SFSWAP: variants seen among roughly 807,000 people sequenced by gnomAD.
SFSWAP encodes splicing factor, suppressor of white-apricot homolog.
In SFSWAP, 17 loss-of-function variants were observed where a neutral mutation model predicts 100.7. The ratio of observed to expected loss-of-function variants is 0.17; its 90% CI spans 0.12 to 0.25. SFSWAP has a LOEUF of 0.25. Ranked by LOEUF, SFSWAP falls within the 10% of genes least tolerant of loss-of-function variation. The probability of loss-of-function intolerance (pLI) is 1.00; values close to 1 mark genes in which losing one functional copy is unlikely to be tolerated. For synonymous variants in SFSWAP, 504 were observed against 510.1 expected (o/e 0.99, Z 0.16); for missense variants, 1,005 against 1,262.6 (o/e 0.80, Z 3.09).
chr12:131,745,154 T>A (rs1048113598), intron 7 of SFSWAP, among the ~76,000 whole-genome samples: 1 of 152,212 alleles, frequency 6.6e-6, no homozygotes, highest in African/African-American at 2.4e-5. Flanking sequence ...TTTAAGTATT[T>A]GGGAGGATGG....
intron 15 of SFSWAP, chr12:131,796,880 A>C: frequency 3.3e-6 from 1 of 301,000 alleles, no homozygotes; most frequent in Non-Finnish European, 6.1e-6. Flanking sequence ...ATAAGTGGCA[A>C]AGCACTATGA....
At chr12:131,797,151 T>C (rs1353783668) in intron 15 of SFSWAP, 27 bp from the exon 16 acceptor site, 2 of 1,594,226 alleles carry the variant, frequency 1.3e-6, no homozygotes, top group Non-Finnish European at 8.5e-7. Flanking sequence ...CAAAGCTGCA[T>C]CTCTCACAGA....
intron 11 of SFSWAP, among the ~76,000 whole-genome samples, chr12:131,761,254 T>A (rs1882655476): frequency 6.6e-6 from 1 of 152,190 alleles, no homozygotes; most frequent in East Asian, 1.9e-4. Flanking sequence ...ATATTACTTT[T>A]GAAGTTAGAA....
At chr12:131,786,652 G>A (rs1022336946) in intron 15 of SFSWAP, 64 bp downstream of exon 15, 37 of 1,513,390 alleles carry the variant, frequency 2.4e-5, no homozygotes, top group South Asian at 8.6e-5. Flanking sequence ...TGGAAAGGGC[G>A]TCTGAAGGTC....
intron 7 of SFSWAP, among the ~76,000 whole-genome samples, chr12:131,736,550 A>G (rs1880036906): frequency 6.6e-6 from 1 of 152,140 alleles, no homozygotes; most frequent in African/African-American, 2.4e-5. Flanking sequence ...ACTCACCCTC[A>G]CTGCCTGCTC....
At chr12:131,788,899 G>T (rs1885070589) in intron 15 of SFSWAP, among the ~76,000 whole-genome samples, 1 of 152,170 alleles carries the variant, frequency 6.6e-6, no homozygotes, top group Non-Finnish European at 1.5e-5. Flanking sequence ...CTACCAAGTT[G>T]CTGTCACTTT....
intron 4 of SFSWAP, chr12:131,723,118 A>G (rs1383574521): frequency 2.0e-5 from 3 of 152,214 alleles, no homozygotes; most frequent in Non-Finnish European, 4.4e-5. Context: ...GTTAAGCTTT[A>G]TCGAATTTGT....
At chr12:131,756,337 G>A (rs948703877) in intron 10 of SFSWAP, 136 bp from the exon 11 acceptor site, 1 of 707,180 alleles carries the variant, frequency 1.4e-6, no homozygotes, top group African/African-American at 1.8e-5. Flanking sequence ...GGATTTGGAA[G>A]TCTGTTCCCA....
chr12:131,760,222 G>A (rs1399232068), intron 11 of SFSWAP, among the ~76,000 whole-genome samples: 1 of 152,090 alleles, frequency 6.6e-6, no homozygotes, highest in African/African-American at 2.4e-5. Context: ...AGGTCTAATG[G>A]GGGCATGGCC....
chr12:131,716,803 C>G (rs1306382949), intron 3 of SFSWAP, among the ~76,000 whole-genome samples: 1 of 152,150 alleles, frequency 6.6e-6, no homozygotes, highest in African/African-American at 2.4e-5. Flanking sequence ...AGCCCCTATT[C>G]TAGATGATGG....
At chr12:131,796,115 T>A (rs923145026) in intron 15 of SFSWAP, 2 of 150,850 alleles carry the variant, frequency 1.3e-5, no homozygotes, top group African/African-American at 4.9e-5. Context: ...ATGCAAAGAC[T>A]CTCCAAGAAA....
intron 14 of SFSWAP, among the ~76,000 whole-genome samples, chr12:131,783,036 C>T (rs572030824): frequency 3.3e-5 from 5 of 152,186 alleles, no homozygotes; most frequent in East Asian, 1.9e-4. Context: ...CAAAAATCAG[C>T]CAGGCGTGTT....
intron 7 of SFSWAP, among the ~76,000 whole-genome samples, chr12:131,735,349 A>G (rs755444984): frequency 2.6e-4 from 40 of 152,164 alleles, no homozygotes; most frequent in Non-Finnish European, 5.4e-4. Flanking sequence ...TCTAGGCCTC[A>G]GTTTTCCCAT....
At chr12:131,770,113 T>A (rs1485710861) in intron 13 of SFSWAP, among the ~76,000 whole-genome samples, 1 of 152,206 alleles carries the variant, frequency 6.6e-6, no homozygotes, top group African/African-American at 2.4e-5. Flanking sequence ...TAAAGAAAAT[T>A]CAAACTCGAA....
chr12:131,753,128 G>A lies in SFSWAP; in HGVS notation c.1087G>A (p.Val363Met), dbSNP rs764281443. The A allele has an allele frequency of 1.5e-5, 25 of 1,613,992 alleles. No individual in the cohort carries two copies. In the African/African-American group the frequency reaches 1.7e-4, roughly 11 times the overall value. ...SQVEYTADST[V>M]AAMYYSYYML... ...GGGGCAATGTGTCTCCACAGCGACC[G>A]TGGCAGCCATGTATTACAGCTACTA... The change falls in exon 8 of 18, where the codon GTG becomes ATG. Residue 363 changes from valine to methionine, a missense_variant. By Grantham distance (21) the Val-to-Met change is conservative (BLOSUM62 1). Coordinates refer to ENST00000261674, the MANE Select transcript of SFSWAP (RefSeq NM_004592.4).
chr12:131,727,786 G>T (rs1469667697), intron 6 of SFSWAP, among the ~76,000 whole-genome samples: 1 of 152,140 alleles, frequency 6.6e-6, no homozygotes, highest in Non-Finnish European at 1.5e-5. Context: ...CCTCATCTGT[G>T]TGAAGAAACC....
intron 15 of SFSWAP, among the ~76,000 whole-genome samples, chr12:131,791,962 GTGTT>G (rs973187190): frequency 1.3e-5 from 2 of 152,160 alleles, no homozygotes; most frequent in African/African-American, 2.4e-5. Context: ...GCACACGTGT[GTGTT>G]CACTGGTCAT....
Position 131,799,566 on chromosome 12 carries a change from C to A in SFSWAP, c.*78C>A. ...TCACGCAGACGCCGGCCACACCATC[C>A]ACCTGGCCGCCTCCATGGACCCTTG... On this transcript the variant is annotated 3_prime_UTR_variant, in exon 18 of 18. Coordinates refer to ENST00000261674, the MANE Select transcript of SFSWAP (RefSeq NM_004592.4). 2 of 1,205,420 alleles carry A rather than the reference C, an allele frequency of 1.7e-6. No homozygotes were observed. The highest frequency in any genetic ancestry group is 2.4e-6 in the Non-Finnish European group (2 of 839,246). The allele number at this position is 1,205,420 out of a possible 1,614,324, so 74.7% of individuals were successfully genotyped here. A position where few individuals can be genotyped will look rare whatever the true frequency, so the allele number is the denominator to read the frequency against.
At position 131,797,322 on chromosome 12, in the gene SFSWAP, C is replaced by T. The variant is rs751674191; in HGVS notation, c.2679C>T (p.Ser893=). ...AAHSAHSASV[S]PVESRGSSQE... is the part of the protein sequence containing the mutation. ...ACTCGGCGCACTCAGCCAGCGTCTC[C>T]CCTGTGGAGAGTCGGGGCTCCAGCC... is the stretch of plus-strand genomic sequence containing the variant. Residue 893 remains serine, a synonymous_variant, in exon 16 of 18, where the codon TCC becomes TCT. Transcript: ENST00000261674. The T allele has an allele frequency of 1.9e-6, 3 of 1,610,832 alleles. No homozygotes were observed. Among genetic ancestry groups the T allele is most frequent in the Non-Finnish European group, 2.5e-6 (3 of 1,178,654 alleles).
Sources: gnomAD v4.1 joint callset for allele counts (sites outside exome capture counted in the v4.1 genomes callset) on GRCh38, gnomAD v4.1.1 for gene constraint, MANE v1.5 for transcripts, NCBI Gene and HGNC (gene_info 2026-07-23, HGNC 2026-07-21) for gene names.